EGFLAM: variants seen among roughly 807,000 people sequenced by gnomAD.
EGFLAM encodes EGF like, fibronectin type III and laminin G domains, also known as pikachurin.
Under a neutral mutation model 113.1 loss-of-function variants are expected in EGFLAM, and 79 were observed. That is an observed-to-expected ratio of 0.70 (90% CI 0.58 to 0.84). EGFLAM has a LOEUF of 0.84. Among genes scored for constraint, EGFLAM ranks in the 40% least tolerant of loss-of-function variants. The pLI, the probability that EGFLAM is intolerant of heterozygous loss-of-function variation, is 0.00. For missense variants in EGFLAM, 1,265 were observed against 1,291.6 expected, an observed-to-expected ratio of 0.98 and a Z score of 0.32; for synonymous variants, 504 against 487.6, an observed-to-expected ratio of 1.03 and a Z score of -0.44.
chr5:38,312,725 T>C (rs1738488454), intron 1 of EGFLAM, among the ~76,000 whole-genome samples: 1 of 152,342 alleles, frequency 6.6e-6, no homozygotes, highest in African/African-American at 2.4e-5. Flanking sequence ...CAAAACTCAA[T>C]TATTACTATC....
intron 1 of EGFLAM, among the ~76,000 whole-genome samples, chr5:38,318,382 TTA>T (rs1408614065): frequency 6.6e-6 from 1 of 151,126 alleles, no homozygotes; most frequent in African/African-American, 2.4e-5. Flanking sequence ...TATAGTGTAG[TTA>T]TATACTATAT....
At position 38,386,277 on chromosome 5, in the gene EGFLAM, A is replaced by T. The variant is rs187108860; in HGVS notation, c.712+15815A>T. ...AATGGCGCCATCTTGGCTCACTGCAACCTCCACCTCCCGAGTTCAAGCAAT... is the reference window on the plus strand; with the variant it reads ...AATGGCGCCATCTTGGCTCACTGCATCCTCCACCTCCCGAGTTCAAGCAAT... On this transcript the variant is annotated intron_variant, in intron 6 of 21. Coordinates refer to ENST00000322350, the MANE Select transcript of EGFLAM (RefSeq NM_152403.4). Among the ~76,000 whole-genome samples, 6 of 152,098 alleles carry T rather than the reference A, an allele frequency of 3.9e-5. No homozygotes were observed. The East Asian group carries it at 1.2e-3, about 29-fold the overall frequency.
intron 1 of EGFLAM, among the ~76,000 whole-genome samples, chr5:38,296,889 A>G (rs971141026): frequency 1.6e-4 from 25 of 152,214 alleles, no homozygotes; most frequent in African/African-American, 4.8e-4. Context: ...AGGGCAAGGC[A>G]CTTCTGTGGT....
intron 1 of EGFLAM, among the ~76,000 whole-genome samples, chr5:38,298,286 C>G (rs1258486657): frequency 6.6e-6 from 1 of 151,336 alleles, no homozygotes. Flanking sequence ...TGAATTTGAG[C>G]AATGTCAGAG....
At chr5:38,346,899 G>T (rs900281985) in intron 3 of EGFLAM, among the ~76,000 whole-genome samples, 6 of 142,432 alleles carry the variant, frequency 4.2e-5, no homozygotes, top group Non-Finnish European at 9.2e-5. Flanking sequence ...CTGGAGAGGG[G>T]ATCTGAAGGC....
At chr5:38,407,341 C>A (rs1279400676) in intron 8 of EGFLAM, among the ~76,000 whole-genome samples, 195 bp downstream of exon 8, 4 of 152,182 alleles carry the variant, frequency 2.6e-5, no homozygotes, top group Non-Finnish European at 5.9e-5. Context: ...TAGACAGCAG[C>A]CCTATTTCTA....
At chr5:38,264,399 T>C (rs1757580633) in intron 1 of EGFLAM, among the ~76,000 whole-genome samples, 1 of 152,136 alleles carries the variant, frequency 6.6e-6, no homozygotes, top group South Asian at 2.1e-4. Context: ...AAAATAAAGA[T>C]GTAAGGAAAG....
intron 1 of EGFLAM, among the ~76,000 whole-genome samples, chr5:38,283,716 T>C (rs1758082402): frequency 6.6e-6 from 1 of 152,216 alleles, no homozygotes. Context: ...CCACCACCTC[T>C]CTGACTCCAT....
intron 6 of EGFLAM, among the ~76,000 whole-genome samples, chr5:38,392,863 G>C (rs967616484): frequency 6.6e-6 from 1 of 152,018 alleles, no homozygotes; most frequent in Non-Finnish European, 1.5e-5. Context: ...GCCCCGGTGT[G>C]TGATGTTCCC....
chr5:38,265,293 A>T (rs564646322), intron 1 of EGFLAM, among the ~76,000 whole-genome samples: 1 of 152,322 alleles, frequency 6.6e-6, no homozygotes, highest in South Asian at 2.1e-4. Context: ...GAGACTCAGC[A>T]TCCGAGGCTG....
intron 6 of EGFLAM, among the ~76,000 whole-genome samples, chr5:38,399,019 T>C (rs1245827596): frequency 6.6e-6 from 1 of 152,156 alleles, no homozygotes; most frequent in Non-Finnish European, 1.5e-5. Context: ...TCAAATGCCA[T>C]TCTTATTTCT....
chr5:38,362,438 G>T (rs1255629337), intron 5 of EGFLAM, among the ~76,000 whole-genome samples: 1 of 152,100 alleles, frequency 6.6e-6, no homozygotes, highest in Non-Finnish European at 1.5e-5. Flanking sequence ...GCCCCCAAAA[G>T]TTAGAATTGA....
chr5:38,340,176 A>AT (rs1414737747), intron 3 of EGFLAM, among the ~76,000 whole-genome samples: 2 of 152,198 alleles, frequency 1.3e-5, no homozygotes, highest in East Asian at 3.8e-4. Context: ...ACTGCTGTAT[A>AT]TACCTAAACA....
intron 6 of EGFLAM, among the ~76,000 whole-genome samples, chr5:38,404,296 A>C (rs974182525): frequency 2.6e-5 from 4 of 152,180 alleles, no homozygotes; most frequent in Non-Finnish European, 5.9e-5. Flanking sequence ...AGGTACTTAG[A>C]TCATAAGGGT....
intron 18 of EGFLAM, among the ~76,000 whole-genome samples, chr5:38,448,750 C>T (rs1214603623): frequency 6.6e-6 from 1 of 152,174 alleles, no homozygotes; most frequent in African/African-American, 2.4e-5. Flanking sequence ...ATTCTGTGAG[C>T]AGGGCAGTTC....
chr5:38,377,409 G>A (rs1256742228), intron 6 of EGFLAM, among the ~76,000 whole-genome samples: 2 of 152,170 alleles, frequency 1.3e-5, no homozygotes, highest in African/African-American at 4.8e-5. Flanking sequence ...CTCCCAAAGT[G>A]CTGGGATTAC....
At chr5:38,322,689 C>A (rs1382847501) in intron 1 of EGFLAM, among the ~76,000 whole-genome samples, 1 of 152,164 alleles carries the variant, frequency 6.6e-6, no homozygotes, top group African/African-American at 2.4e-5. Context: ...GGATTACTCC[C>A]TGGAATTACA....
At chr5:38,261,670 G>T (rs373999882) in intron 1 of EGFLAM, among the ~76,000 whole-genome samples, 1 of 152,186 alleles carries the variant, frequency 6.6e-6, no homozygotes, top group Non-Finnish European at 1.5e-5. Context: ...CTAGGTGGAG[G>T]CTGCTGTTTT....
intron 16 of EGFLAM, among the ~76,000 whole-genome samples, chr5:38,435,964 CCTG>C (rs1742335361): frequency 6.6e-6 from 1 of 151,920 alleles, no homozygotes; most frequent in Non-Finnish European, 1.5e-5. Context: ...ATTACAGGTG[CCTG>C]CCACCACGTC....
Sources: gnomAD v4.1 joint callset for allele counts (sites outside exome capture counted in the v4.1 genomes callset) on GRCh38, gnomAD v4.1.1 for gene constraint, MANE v1.5 for transcripts, NCBI Gene and HGNC (gene_info 2026-07-23, HGNC 2026-07-21) for gene names.